Variants in CDH23 observed in about 807,000 individuals in gnomAD.
CDH23 encodes the protein cadherin-23.
CDH23 carries 189 observed loss-of-function variants against 317.1 expected under a neutral mutation model. That is an observed-to-expected ratio of 0.60 (90% CI 0.53 to 0.67). The LOEUF (loss-of-function observed/expected upper bound fraction) is 0.67. CDH23 is among the 30% of genes least tolerant of loss of function. The probability of loss-of-function intolerance (pLI) is 0.00; values close to 1 mark genes in which losing one functional copy is unlikely to be tolerated. For missense variants in CDH23, 4,401 were observed against 4,592.4 expected (o/e 0.96, Z 1.20); for synonymous variants, 1,839 against 1,876.8 (o/e 0.98, Z 0.52).
In CDH23 at chr10:71,815,252, A is replaced by C. The variant is rs1036211147; in HGVS notation, c.10039A>C (p.Thr3347Pro). ...LHKLRDVIME[T>P]PLEITEL is the part of the protein sequence containing the mutation. ...CAAACTTCGCGACGTGATCATGGAG[A>C]CCCCCCTGGAGATCACAGAGCTGTG... is the stretch of plus-strand genomic sequence containing the variant. Residue 3347 changes from threonine to proline, a missense_variant, in exon 70 of 70, where the codon ACC (threonine) becomes CCC (proline). Transcript: ENST00000224721. 6 of 1,579,772 alleles carry C rather than the reference A, an allele frequency of 3.8e-6. No individual in the cohort carries two copies. The African/African-American group carries it at 8.1e-5, about 21-fold the overall frequency.
At chr10:71,530,752 A>G (rs1855328178) in intron 6 of CDH23, among the ~76,000 whole-genome samples, 1 of 152,242 alleles carries the variant, frequency 6.6e-6, no homozygotes, top group African/African-American at 2.4e-5. Context: ...ACCAATGCAC[A>G]GCATCATGTG....
intron 22 of CDH23, among the ~76,000 whole-genome samples, chr10:71,700,660 A>G (rs1231832607): frequency 6.6e-6 from 1 of 152,186 alleles, no homozygotes; most frequent in East Asian, 1.9e-4. Context: ...TGGTGCTGCG[A>G]GGCTGGGAAG....
intron 7 of CDH23, among the ~76,000 whole-genome samples, chr10:71,568,988 A>G (rs1259724797): frequency 6.6e-6 from 1 of 152,200 alleles, no homozygotes; most frequent in Non-Finnish European, 1.5e-5. Flanking sequence ...TGGTTATGGC[A>G]AATCAGAGCC....
chr10:71,694,678 G>A (rs1233739418), intron 21 of CDH23, among the ~76,000 whole-genome samples: 2 of 152,072 alleles, frequency 1.3e-5, no homozygotes, highest in Admixed American at 6.6e-5. Context: ...CCCATCTAAT[G>A]TGCCCCAGAG....
At chr10:71,585,014 G>A (rs570900587) in intron 9 of CDH23, among the ~76,000 whole-genome samples, 4 of 152,264 alleles carry the variant, frequency 2.6e-5, no homozygotes, top group African/African-American at 7.2e-5. Flanking sequence ...GGAAGTGAAC[G>A]CGGGGTCACC....
At chr10:71,446,188 T>C in intron 2 of CDH23, 130 bp from the exon 3 acceptor site, 1 of 838,956 alleles carries the variant, frequency 1.2e-6, no homozygotes, top group Non-Finnish European at 2.0e-6. Context: ...ACTTCCAGGG[T>C]CCTGGGAAGT....
At chr10:71,652,398 C>T (rs1589298802) in intron 14 of CDH23, among the ~76,000 whole-genome samples, 1 of 152,258 alleles carries the variant, frequency 6.6e-6, no homozygotes, top group South Asian at 2.1e-4. Context: ...AGTGCCTGCG[C>T]AGCCTGCAGT....
chr10:71,725,845 G>A (rs1459742027), intron 30 of CDH23, among the ~76,000 whole-genome samples: 1 of 152,196 alleles, frequency 6.6e-6, no homozygotes, highest in Non-Finnish European at 1.5e-5. Flanking sequence ...TCACTTGGGT[G>A]ATCTTGGAGG....
Position 71,815,089 on chromosome 10 carries a change from G to C in CDH23, c.9876G>C (p.Leu3292=), listed in dbSNP as rs1192713900. ...IHVVHGSTGT[L]LATDLNSLPE... is the part of the protein sequence containing the mutation. ...TGGTGCACGGCAGCACGGGCACGCT[G>C]CTGGCCACCGACCTCAACAGCCTGC... Residue 3292 remains leucine (L), a synonymous_variant, in exon 70 of 70, where the codon CTG becomes CTC. Transcript: ENST00000224721. 6.2e-7 allele frequency: 1 copy of C among 1,611,042 alleles called. No homozygotes were observed. Among genetic ancestry groups the C allele is most frequent in the Non-Finnish European group, 8.5e-7 (1 of 1,179,066 alleles).
At chr10:71,596,914 G>A (rs1417172555) in intron 9 of CDH23, among the ~76,000 whole-genome samples, 1 of 152,138 alleles carries the variant, frequency 6.6e-6, no homozygotes, top group Admixed American at 6.5e-5. Flanking sequence ...CCGCTGCCCG[G>A]CACTCCCTTC....
intron 3 of CDH23, among the ~76,000 whole-genome samples, chr10:71,465,763 C>T (rs554187098): frequency 8.5e-5 from 13 of 152,294 alleles, no homozygotes; most frequent in South Asian, 6.2e-4. Flanking sequence ...GTCAGGTAGC[C>T]GCGCTGAGTG....
chr10:71,595,455 C>T (rs149604935), intron 9 of CDH23, among the ~76,000 whole-genome samples: 7 of 152,300 alleles, frequency 4.6e-5, no homozygotes, highest in African/African-American at 4.8e-5. Context: ...ATTTCCAATG[C>T]GGAGGTTCAT....
intron 60 of CDH23, 104 bp downstream of exon 60, chr10:71,808,111 TGGG>T: frequency 1.4e-6 from 2 of 1,401,774 alleles, no homozygotes; most frequent in Non-Finnish European, 1.9e-6. Context: ...CCACAGGATA[TGGG>T]TGGCCCCCCA....
In CDH23 at chr10:71,404,040, C is replaced by A. The variant is rs540923499; in HGVS notation, c.-6+6722C>A. ...CCGGGAGGCAGAGGTTGCCATGAGC[C>A]GAGATCGTGCCACTGCACTCCAGCC... On this transcript the variant is annotated intron_variant, in intron 1 of 69. Coordinates refer to ENST00000224721, the MANE Select transcript of CDH23 (RefSeq NM_022124.6). 1.7e-3 allele frequency among the ~76,000 whole-genome samples: 258 copies of A among 152,270 alleles called. 1 individual carries two copies. Among genetic ancestry groups the A allele is most frequent in the African/African-American group, 5.9e-3 (246 of 41,558 alleles).
intron 6 of CDH23, among the ~76,000 whole-genome samples, chr10:71,526,870 C>T (rs1255598526): frequency 1.3e-5 from 2 of 152,162 alleles, no homozygotes; most frequent in Non-Finnish European, 2.9e-5. Context: ...GGGATGTGGA[C>T]TCTGTCAGTC....
At chr10:71,465,520 G>C (rs898296740) in intron 3 of CDH23, among the ~76,000 whole-genome samples, 2 of 152,262 alleles carry the variant, frequency 1.3e-5, no homozygotes, top group Non-Finnish European at 2.9e-5. Context: ...GAGCCATCGA[G>C]TGCCACCGAG....
chr10:71,813,426 C>A (rs1842011217), intron 69 of CDH23, 78 bp downstream of exon 69: 2 of 1,248,254 alleles, frequency 1.6e-6, no homozygotes, highest in Non-Finnish European at 2.3e-6. Context: ...GTCCTGCTGT[C>A]CTTCTCTATG....
intron 30 of CDH23, among the ~76,000 whole-genome samples, chr10:71,729,786 T>C (rs1307431246): frequency 6.6e-6 from 1 of 152,200 alleles, no homozygotes; most frequent in African/African-American, 2.4e-5. Flanking sequence ...GCTCATTTTG[T>C]CTTCATAACA....
intron 34 of CDH23, among the ~76,000 whole-genome samples, chr10:71,734,991 C>A (rs1424239630): frequency 1.3e-5 from 2 of 152,260 alleles, no homozygotes; most frequent in East Asian, 1.9e-4. Flanking sequence ...AGCTGCTTAA[C>A]GTCTCTGTGC....
Sources: allele counts gnomAD v4.1 joint callset (sites outside exome capture counted in the v4.1 genomes callset), GRCh38; gene constraint gnomAD v4.1.1; transcripts MANE v1.5; gene names NCBI Gene and HGNC (gene_info 2026-07-23, HGNC 2026-07-21).